FUT9: variants seen among roughly 807,000 people sequenced by gnomAD.
FUT9 encodes fucosyltransferase 9.
A neutral mutation model predicts 29.7 loss-of-function variants in FUT9; 15 were observed. The ratio of observed to expected loss-of-function variants is 0.51; its 90% CI spans 0.34 to 0.78. FUT9 has a LOEUF of 0.78. Ranked by LOEUF, FUT9 falls within the 30% of genes least tolerant of loss-of-function variation. The pLI is 0.01. For synonymous variants in FUT9, 169 were observed against 153.7 expected (o/e 1.10, Z -0.74); for missense variants, 319 against 425.4 (o/e 0.75, Z 2.20).
In FUT9 at chr6:96,205,501, T is replaced by A. The variant is rs969241808; in HGVS notation, c.*1266T>A. ...ATACATAGCACATATGACCATGATG[T>A]TCAGGGCTTTATAGAACCAAATAAA... On this transcript the variant is annotated 3_prime_UTR_variant, in exon 3 of 3. Coordinates refer to ENST00000302103, the MANE Select transcript of FUT9 (RefSeq NM_006581.4). 6.0e-6 allele frequency: 1 copy of A among 167,052 alleles called. No individual in the cohort carries two copies. Among genetic ancestry groups the A allele is most frequent in the African/African-American group, 2.4e-5 (1 of 41,456 alleles). 10.3% of individuals were successfully genotyped at this position (167,052 alleles called of 1,614,324 possible).
Position 96,117,566 on chromosome 6 carries a change from G to T in FUT9, c.-9+3439G>T, listed in dbSNP as rs796664152. Among the ~76,000 whole-genome samples the T allele has an allele frequency of 2.4e-4, 36 of 152,274 alleles. 1 individual carries two copies. Among genetic ancestry groups the T allele is most frequent in the African/African-American group, 8.4e-4 (35 of 41,562 alleles). ...CATCATAATGCTTCAATCTTAGAGT[G>T]AGCATGGAATGTAGGAAATTCAAAT... On this transcript the variant is annotated intron_variant, in intron 2 of 2. Coordinates refer to ENST00000302103, the MANE Select transcript of FUT9 (RefSeq NM_006581.4).
At chr6:96,147,612 G>A (rs1772595945) in intron 2 of FUT9, among the ~76,000 whole-genome samples, 1 of 152,044 alleles carries the variant, frequency 6.6e-6, no homozygotes, top group Admixed American at 6.6e-5. Flanking sequence ...TAAACCCAAA[G>A]AGAGAAGTAA....
chr6:96,196,168 AG>A (rs1773621133), intron 2 of FUT9, among the ~76,000 whole-genome samples: 1 of 152,164 alleles, frequency 6.6e-6, no homozygotes, highest in Non-Finnish European at 1.5e-5. Flanking sequence ...CCCCATCATA[AG>A]GGTCATGGCC....
chr6:96,150,367 A>G (rs1250772839), intron 2 of FUT9, among the ~76,000 whole-genome samples: 1 of 152,142 alleles, frequency 6.6e-6, no homozygotes, highest in South Asian at 2.1e-4. Context: ...TCCGAGGAAA[A>G]AGGAAAAGGA....
At chr6:96,062,639 G>A (rs2127944573) in intron 1 of FUT9, among the ~76,000 whole-genome samples, 1 of 152,220 alleles carries the variant, frequency 6.6e-6, no homozygotes, top group African/African-American at 2.4e-5. Flanking sequence ...AGGATGGAGA[G>A]AGGAAAACCT....
At chr6:96,137,814 A>C (rs1217454933) in intron 2 of FUT9, among the ~76,000 whole-genome samples, 1 of 152,138 alleles carries the variant, frequency 6.6e-6, no homozygotes, top group African/African-American at 2.4e-5. Flanking sequence ...ATAAGAAGTT[A>C]AAAATAGAGG....
At chr6:96,031,730 C>T (rs1770265687) in intron 1 of FUT9, among the ~76,000 whole-genome samples, 1 of 151,520 alleles carries the variant, frequency 6.6e-6, no homozygotes, top group African/African-American at 2.4e-5. Context: ...TTGACTATTG[C>T]TCTAAGGAAA....
intron 2 of FUT9, among the ~76,000 whole-genome samples, chr6:96,197,379 T>C (rs772294971): frequency 2.3e-4 from 35 of 152,196 alleles, no homozygotes; most frequent in Non-Finnish European, 4.0e-4. Flanking sequence ...CTAAGGATCT[T>C]TGAGAAAGGT....
intron 1 of FUT9, among the ~76,000 whole-genome samples, chr6:96,111,267 C>T (rs144989402): frequency 1.6e-4 from 25 of 152,172 alleles, no homozygotes; most frequent in Admixed American, 3.3e-4. Context: ...CTCTACCCCA[C>T]GGCAGGCAGA....
chr6:96,105,216 C>T (rs146036250), intron 1 of FUT9, among the ~76,000 whole-genome samples: 1 of 152,150 alleles, frequency 6.6e-6, no homozygotes, highest in South Asian at 2.1e-4. Context: ...TGGTAAATTG[C>T]CTTATGTTCT....
At chr6:96,128,018 G>A (rs1405353879) in intron 2 of FUT9, among the ~76,000 whole-genome samples, 1 of 151,916 alleles carries the variant, frequency 6.6e-6, no homozygotes, top group Non-Finnish European at 1.5e-5. Context: ...CTGTGTAGAA[G>A]CTCTTTATTT....
At chr6:96,119,733 T>G (rs2127964258) in intron 2 of FUT9, among the ~76,000 whole-genome samples, 1 of 152,318 alleles carries the variant, frequency 6.6e-6, no homozygotes, top group Non-Finnish European at 1.5e-5. Flanking sequence ...AAGTGTGATC[T>G]CATAATCCAC....
intron 2 of FUT9, among the ~76,000 whole-genome samples, chr6:96,188,176 A>C (rs1225913062): frequency 2.0e-5 from 3 of 152,144 alleles, no homozygotes; most frequent in African/African-American, 4.8e-5. Context: ...AATATATATC[A>C]TAAAATAAAT....
At chr6:96,102,102 T>C (rs553444630) in intron 1 of FUT9, among the ~76,000 whole-genome samples, 12 of 152,140 alleles carry the variant, frequency 7.9e-5, no homozygotes, top group African/African-American at 2.4e-4. Flanking sequence ...GTCATGACAA[T>C]TGTATGCAGA....
intron 2 of FUT9, among the ~76,000 whole-genome samples, chr6:96,130,424 T>C (rs1027922492): frequency 7.9e-5 from 12 of 152,146 alleles, no homozygotes; most frequent in Admixed American, 3.3e-4. Flanking sequence ...ATCTTGAATG[T>C]CTCAGTGACA....
intron 2 of FUT9, among the ~76,000 whole-genome samples, chr6:96,171,979 C>T (rs550300407): frequency 3.0e-4 from 46 of 152,288 alleles, no homozygotes; most frequent in African/African-American, 1.0e-3. Flanking sequence ...TGTCTTAGTT[C>T]AGGCTGCTGT....
chr6:96,187,728 T>A (rs1400741612), intron 2 of FUT9, among the ~76,000 whole-genome samples: 1 of 152,158 alleles, frequency 6.6e-6, no homozygotes, highest in Non-Finnish European at 1.5e-5. Context: ...AAAATAAATA[T>A]TTTAAAATTA....
chr6:96,123,582 G>T (rs1328614125), intron 2 of FUT9, among the ~76,000 whole-genome samples: 1 of 152,118 alleles, frequency 6.6e-6, no homozygotes. Context: ...GGAAGTTAGG[G>T]TTATAACTAT....
rs1554193305 is a variant in FUT9, at chr6:96,110,815, C to CTATTTATTTATT, written c.-97-3210_-97-3199dup. Among the ~76,000 whole-genome samples the CTATTTATTTATT allele has an allele frequency of 4.5e-3, 655 of 145,146 alleles. 5 individuals are homozygous for CTATTTATTTATT. Among genetic ancestry groups the CTATTTATTTATT allele is most frequent in the African/African-American group, 0.016 (633 of 39,800 alleles). ...GGACTACAGGTATGCACAAATGTGCCTATTTATTTATTTATTTATTTATTT... is the reference window on the plus strand; with the variant it reads ...GGACTACAGGTATGCACAAATGTGCCTATTTATTTATTTATTTATTTATTTATTTATTTATTT... On this transcript the variant is annotated intron_variant, in intron 1 of 2. Transcript: ENST00000302103.
Sources: allele counts gnomAD v4.1 joint callset (sites outside exome capture counted in the v4.1 genomes callset), GRCh38; gene constraint gnomAD v4.1.1; transcripts MANE v1.5; gene names NCBI Gene and HGNC (gene_info 2026-07-23, HGNC 2026-07-21).